CYP2C19: variants seen among roughly 807,000 people sequenced by gnomAD.
The protein encoded by CYP2C19 is cytochrome P450 family 2 subfamily C member 19.
In CYP2C19, 59 loss-of-function variants were observed where a neutral mutation model predicts 40.9. The ratio of observed to expected loss-of-function variants is 1.44; its 90% CI spans 1.17 to 1.79. The LOEUF (loss-of-function observed/expected upper bound fraction) is 1.79, where lower values mean the gene tolerates loss of function less well. Among genes scored for constraint, CYP2C19 ranks in the 40% most tolerant of loss-of-function variants. The pLI is 0.00. For missense variants in CYP2C19, 754 were observed against 596.9 expected, an observed-to-expected ratio of 1.26 and a Z score of -2.74; for synonymous variants, 253 against 208.7, an observed-to-expected ratio of 1.21 and a Z score of -1.83.
intron 6 of CYP2C19, among the ~76,000 whole-genome samples, chr10:94,825,832 G>A (rs1366317674): frequency 2.7e-4 from 39 of 147,068 alleles, no homozygotes; most frequent in Admixed American, 4.1e-4. Context: ...ATTGATTTTT[G>A]TATAAGGTGT....
At chr10:94,765,539 C>A (rs543133397) in intron 1 of CYP2C19, among the ~76,000 whole-genome samples, 1 of 152,180 alleles carries the variant, frequency 6.6e-6, no homozygotes, top group East Asian at 1.9e-4. Flanking sequence ...AACTGAGTGG[C>A]TCCGTGTGTT....
intron 5 of CYP2C19, among the ~76,000 whole-genome samples, chr10:94,818,433 A>G (rs1266790469): frequency 6.6e-6 from 1 of 152,034 alleles, no homozygotes; most frequent in Non-Finnish European, 1.5e-5. Flanking sequence ...GAAGAAAGTC[A>G]TTGGTAGCTT....
At chr10:94,807,116 A>G (rs1848846196) in intron 5 of CYP2C19, among the ~76,000 whole-genome samples, 1 of 152,132 alleles carries the variant, frequency 6.6e-6, no homozygotes, top group Non-Finnish European at 1.5e-5. Context: ...CTTAGCTACC[A>G]TATAAGAATA....
rs1849519432 is a variant in CYP2C19 at position 94,842,978 on chromosome 10, A to G, written c.1103A>G (p.His368Arg). ...GACCTCATCCCCACCAGCCTGCCCC[A>G]TGCAGTGACCTGTGACGTTAAATTC... is the stretch of plus-strand genomic sequence containing the variant. ...YIDLIPTSLP[H>R]AVTCDVKFRN... The change falls in exon 7 of 9, where the codon CAT becomes CGT. Residue 368 changes from histidine to arginine, a missense_variant. Transcript: ENST00000371321. 6.2e-7 allele frequency: 1 copy of G among 1,614,174 alleles called. No individual in the cohort carries two copies. The highest frequency in any genetic ancestry group is 8.5e-7 in the Non-Finnish European group (1 of 1,180,032).
intron 5 of CYP2C19, among the ~76,000 whole-genome samples, chr10:94,794,332 C>T (rs1427620927): frequency 6.6e-6 from 1 of 152,136 alleles, no homozygotes; most frequent in East Asian, 1.9e-4. Context: ...CCCTGCCCTG[C>T]TTCAGCTCAC....
intron 7 of CYP2C19, among the ~76,000 whole-genome samples, chr10:94,846,788 T>C (rs1274008686): frequency 6.6e-6 from 1 of 151,614 alleles, no homozygotes; most frequent in Non-Finnish European, 1.5e-5. Flanking sequence ...GCTGCACCCA[T>C]TAACTCGTCA....
chr10:94,829,037 T>G (rs1849281094), intron 6 of CYP2C19, among the ~76,000 whole-genome samples: 2 of 152,216 alleles, frequency 1.3e-5, no homozygotes, highest in African/African-American at 4.8e-5. Context: ...AGATCTGCTG[T>G]TAGTCAGATG....
At chr10:94,850,127 A>C in intron 8 of CYP2C19, 69 bp downstream of exon 8, 3 of 1,554,730 alleles carry the variant, frequency 1.9e-6, no homozygotes, top group Non-Finnish European at 2.7e-6. Context: ...TGGAACTTAC[A>C]TGTGCCTTCT....
intron 5 of CYP2C19, among the ~76,000 whole-genome samples, chr10:94,798,394 G>C (rs749534522): frequency 2.0e-5 from 3 of 152,052 alleles, no homozygotes; most frequent in Non-Finnish European, 4.4e-5. Flanking sequence ...ATTTGCTGAG[G>C]AGTGCTTTAC....
chr10:94,828,788 G>A (rs1282779811), intron 6 of CYP2C19, among the ~76,000 whole-genome samples: 1 of 152,104 alleles, frequency 6.6e-6, no homozygotes, highest in African/African-American at 2.4e-5. Context: ...GCATGATTTT[G>A]CAGCGGCTGG....
At chr10:94,847,390 C>T (rs1849587982) in intron 7 of CYP2C19, among the ~76,000 whole-genome samples, 2 of 152,148 alleles carry the variant, frequency 1.3e-5, no homozygotes, top group South Asian at 4.1e-4. Context: ...ATCCATGTCC[C>T]TACAAAGGAC....
chr10:94,818,180 G>T (rs999232542), intron 5 of CYP2C19, among the ~76,000 whole-genome samples: 2 of 147,132 alleles, frequency 1.4e-5, no homozygotes, highest in African/African-American at 2.5e-5. Context: ...TCTCAGGTTT[G>T]TCAAAGATCA....
intron 6 of CYP2C19, among the ~76,000 whole-genome samples, chr10:94,822,286 C>G (rs1172101896): frequency 2.0e-5 from 3 of 152,024 alleles, no homozygotes; most frequent in African/African-American, 7.2e-5. Context: ...TCTCTGATAG[C>G]AAGACTTATT....
At chr10:94,775,247 A>G in intron 2 of CYP2C19, 27 bp downstream of exon 2, 2 of 1,613,926 alleles carry the variant, frequency 1.2e-6, no homozygotes, top group African/African-American at 1.3e-5. Context: ...CTGTTTCAGC[A>G]TCTGTCTTGG....
chr10:94,762,874 G>A lies in CYP2C19; in HGVS notation c.168+1G>A. 1.2e-6 allele frequency: 2 copies of A among 1,612,956 alleles called. No individual in the cohort carries two copies. Among genetic ancestry groups the A allele is most frequent in the Admixed American group, 1.7e-5 (1 of 59,996 alleles). On this transcript the variant is annotated splice_donor_variant, in intron 1 of 8. Coordinates refer to ENST00000371321, the MANE Select transcript of CYP2C19 (RefSeq NM_000769.4). LOFTEE classifies it high-confidence loss of function. Reference sequence around the variant, plus strand: ...GGATGTCAGCAAATCCTTAACCAATGTAAGTATGCTCCTTCAGTGGCTTGC... The same window carrying A: ...GGATGTCAGCAAATCCTTAACCAATATAAGTATGCTCCTTCAGTGGCTTGC...
At chr10:94,765,384 C>T (rs1178459681) in intron 1 of CYP2C19, among the ~76,000 whole-genome samples, 1 of 152,032 alleles carries the variant, frequency 6.6e-6, no homozygotes, top group African/African-American at 2.4e-5. Context: ...CGACATTCCA[C>T]ATAAGAAGAA....
chr10:94,817,359 T>C (rs1163719768), intron 5 of CYP2C19, among the ~76,000 whole-genome samples: 1 of 149,892 alleles, frequency 6.7e-6, no homozygotes, highest in Non-Finnish European at 1.5e-5. Flanking sequence ...ATGTGTTTTT[T>C]GGCTGCATAA....
Position 94,787,549 on chromosome 10 carries a change from A to T in CYP2C19, c.819+5552A>T, listed in dbSNP as rs1247279005. On this transcript the variant is annotated intron_variant, in intron 5 of 8. Coordinates refer to ENST00000371321, the MANE Select transcript of CYP2C19 (RefSeq NM_000769.4). ...TTTTGGTTCCAATTGCTTTTGAGGG[A>T]TTATTCATAAATTCTTTGCAAAAGC... is the stretch of plus-strand genomic sequence containing the variant. 3.3e-5 allele frequency among the ~76,000 whole-genome samples: 5 copies of T among 152,034 alleles called. 1 individual carries two copies.
At chr10:94,763,590 C>T (rs751443869) in intron 1 of CYP2C19, among the ~76,000 whole-genome samples, 10 of 151,790 alleles carry the variant, frequency 6.6e-5, no homozygotes, top group African/African-American at 9.7e-5. Flanking sequence ...TAAAGGGCTG[C>T]GATTAGTATA....
Sources: allele counts gnomAD v4.1 joint callset (sites outside exome capture counted in the v4.1 genomes callset), GRCh38; gene constraint gnomAD v4.1.1; transcripts MANE v1.5; gene names NCBI Gene and HGNC (gene_info 2026-07-23, HGNC 2026-07-21).